Variants in TBL1XR1 observed in about 807,000 individuals in gnomAD.
TBL1XR1 encodes TBL1X/Y related 1, also known as F-box-like/WD repeat-containing protein TBL1XR1.
A neutral mutation model predicts 66.9 loss-of-function variants in TBL1XR1; 5 were observed. The observed-to-expected ratio is 0.07, with a 90% CI of 0.04 to 0.16. The LOEUF is 0.16. Among genes scored for constraint, TBL1XR1 ranks in the 10% least tolerant of loss-of-function variants. TBL1XR1 has a pLI of 1.00. For synonymous variants in TBL1XR1, 210 were observed against 206.0 expected, an observed-to-expected ratio of 1.02 and a Z score of -0.17; for missense variants, 238 against 623.2, an observed-to-expected ratio of 0.38 and a Z score of 6.58.
rs1283330297 is a variant in TBL1XR1 at position 177,134,971 on chromosome 3, G to GTGTGTGTGTGTGTC, written c.-121-36431_-121-36430insGACACACACACACA. ...TGTGTGTGTGTGTGTGTGTGTCTGTGTGTGTGTCTGTGTGTGTGTGTTTTG... is the reference window on the plus strand; with the variant it reads ...TGTGTGTGTGTGTGTGTGTGTCTGTGTGTGTGTGTGTGTCTGTGTGTCTGTGTGTGTGTGTTTTG... On this transcript the variant is annotated intron_variant, in intron 1 of 15. Transcript: ENST00000457928. Among the ~76,000 whole-genome samples the GTGTGTGTGTGTGTC allele has an allele frequency of 5.1e-3, 741 of 146,114 alleles. 1 individual carries two copies. The highest frequency in any genetic ancestry group is 0.011 in the African/African-American group (436 of 39,860).
chr3:177,178,240 G>A (rs1340750967), intron 1 of TBL1XR1, among the ~76,000 whole-genome samples: 1 of 152,132 alleles, frequency 6.6e-6, no homozygotes, highest in Non-Finnish European at 1.5e-5. Context: ...AGGCTAAGAT[G>A]TTTGAACTTT....
chr3:177,047,637 C>A, intron 7 of TBL1XR1, 88 bp from the exon 8 acceptor site: 1 of 1,418,026 alleles, frequency 7.1e-7, no homozygotes, highest in Non-Finnish European at 9.7e-7. Context: ...ATCCCAGGTA[C>A]AGAAGAGAAT....
At chr3:177,186,933 G>A (rs1360615983) in intron 1 of TBL1XR1, among the ~76,000 whole-genome samples, 4 of 152,062 alleles carry the variant, frequency 2.6e-5, no homozygotes, top group Non-Finnish European at 4.4e-5. Context: ...TTGGGAGGCC[G>A]AGGCGGGCGG....
At chr3:177,087,221 T>C (rs1005454605) in intron 2 of TBL1XR1, among the ~76,000 whole-genome samples, 1 of 119,008 alleles carries the variant, frequency 8.4e-6, no homozygotes, top group Non-Finnish European at 1.8e-5. Context: ...TACTTACTTT[T>C]TTATTTAAAA....
chr3:177,058,761 T>C (rs1718130829), intron 3 of TBL1XR1, among the ~76,000 whole-genome samples: 2 of 152,254 alleles, frequency 1.3e-5, no homozygotes, highest in South Asian at 4.1e-4. Context: ...ACTCTCGCTA[T>C]GCTGGCTAGT....
chr3:177,183,249 T>G (rs1028357176), intron 1 of TBL1XR1, among the ~76,000 whole-genome samples: 3 of 152,184 alleles, frequency 2.0e-5, no homozygotes, highest in Non-Finnish European at 2.9e-5. Context: ...CTGAATAAAA[T>G]TAAGTAATAA....
chr3:177,172,088 C>A (rs1370582814), intron 1 of TBL1XR1, among the ~76,000 whole-genome samples: 3 of 151,728 alleles, frequency 2.0e-5, no homozygotes, highest in Non-Finnish European at 4.4e-5. Context: ...GGTGAAACCC[C>A]GTCTCTACTA....
At chr3:177,118,812 T>A (rs1234086276) in intron 1 of TBL1XR1, among the ~76,000 whole-genome samples, 1 of 109,362 alleles carries the variant, frequency 9.1e-6, no homozygotes, top group East Asian at 2.8e-4. Context: ...TTTCTCAAAC[T>A]GAACTTTTAT....
intron 14 of TBL1XR1, among the ~76,000 whole-genome samples, chr3:177,029,235 G>A (rs1269580877): frequency 6.6e-6 from 1 of 152,020 alleles, no homozygotes; most frequent in African/African-American, 2.4e-5. Context: ...GAGGAGTCCA[G>A]CCTGGGTAAC....
rs554530511 is a variant in TBL1XR1, at chr3:177,108,051, A to G, written c.-121-9510T>C. ...AAAAAAAAAAGATAACACACCAGATATGGTCCACAGGTCATAGTTTGTTGA... is the reference window on the plus strand; with the variant it reads ...AAAAAAAAAAGATAACACACCAGATGTGGTCCACAGGTCATAGTTTGTTGA... On this transcript the variant is annotated intron_variant, in intron 1 of 15. Transcript: ENST00000457928. Among the ~76,000 whole-genome samples, 6 of 152,180 alleles carry G rather than the reference A, an allele frequency of 3.9e-5. No homozygotes were observed. In the East Asian group the frequency reaches 9.6e-4, roughly 24 times the overall value.
In TBL1XR1 at chr3:177,050,042, C is replaced by T. The variant is rs772368300; in HGVS notation, c.657G>A (p.Gly219=). Residue 219 remains glycine (G), a synonymous_variant, in exon 7 of 16, where the codon GGG becomes GGA. Coordinates refer to ENST00000457928, the MANE Select transcript of TBL1XR1 (RefSeq NM_024665.7). Reference sequence around the variant, plus strand: ...CATCCTTGTTGCTTGGAACATCTTGCCCTCCTTCTCGTATACAATGTCTAA... The same window carrying T: ...CATCCTTGTTGCTTGGAACATCTTGTCCTCCTTCTCGTATACAATGTCTAA... ...LVLRHCIREG[G]QDVPSNKDVT... is the part of the protein sequence containing the mutation. 9.9e-6 allele frequency: 16 copies of T among 1,613,656 alleles called. No homozygotes were observed. Among genetic ancestry groups the T allele is most frequent in the Middle Eastern group, 3.3e-4 (2 of 6,060 alleles).
At chr3:177,086,128 G>A (rs957804949) in intron 2 of TBL1XR1, among the ~76,000 whole-genome samples, 1 of 150,130 alleles carries the variant, frequency 6.7e-6, no homozygotes, top group Non-Finnish European at 1.5e-5. Flanking sequence ...GTCCACACAC[G>A]TAAGTTTTAA....
Position 177,135,340 on chromosome 3 carries a change from T to TG in TBL1XR1, c.-121-36800_-121-36799insC, listed in dbSNP as rs1261724902. ...GTGTGTGTGTGTGTGTGTGTATACATATATATATATATATATATATATATA... is the reference window on the plus strand; with the variant it reads ...GTGTGTGTGTGTGTGTGTGTATACATGATATATATATATATATATATATATA... On this transcript the variant is annotated intron_variant, in intron 1 of 15. Coordinates refer to ENST00000457928, the MANE Select transcript of TBL1XR1 (RefSeq NM_024665.7). Among the ~76,000 whole-genome samples the TG allele has an allele frequency of 3.8e-3, 43 of 11,260 alleles. 4 individuals are homozygous for TG. Among genetic ancestry groups the TG allele is most frequent in the African/African-American group, 0.016 (41 of 2,522 alleles). 7.4% of individuals were successfully genotyped at this position (11,260 alleles called of 152,430 possible). A position where few individuals can be genotyped will look rare whatever the true frequency, so the allele number is the denominator to read the frequency against.
intron 1 of TBL1XR1, among the ~76,000 whole-genome samples, chr3:177,192,836 C>A (rs1736335370): frequency 6.6e-6 from 1 of 152,134 alleles, no homozygotes; most frequent in South Asian, 2.1e-4. Flanking sequence ...AGTTGACTGT[C>A]CCCTTACACT....
intron 1 of TBL1XR1, among the ~76,000 whole-genome samples, chr3:177,194,376 A>C (rs1271854722): frequency 6.6e-6 from 1 of 152,216 alleles, no homozygotes; most frequent in Non-Finnish European, 1.5e-5. Context: ...GAAAAATACA[A>C]GTTCTAGTGA....
intron 1 of TBL1XR1, among the ~76,000 whole-genome samples, chr3:177,153,297 AG>A (rs1169679379): frequency 6.6e-6 from 1 of 152,220 alleles, no homozygotes; most frequent in Admixed American, 6.5e-5. Flanking sequence ...GAAGTGTTAA[AG>A]GAAGTTATTC....
intron 2 of TBL1XR1, among the ~76,000 whole-genome samples, chr3:177,080,522 GT>G (rs1276881025): frequency 6.6e-6 from 1 of 152,132 alleles, no homozygotes; most frequent in African/African-American, 2.4e-5. Flanking sequence ...ATATCCTTCT[GT>G]GTTAATGAGC....
At chr3:177,089,838 T>C (rs1722608392) in intron 2 of TBL1XR1, among the ~76,000 whole-genome samples, 1 of 152,112 alleles carries the variant, frequency 6.6e-6, no homozygotes, top group South Asian at 2.1e-4. Flanking sequence ...ATGCAAACAG[T>C]TCTAAAATAA....
intron 12 of TBL1XR1, among the ~76,000 whole-genome samples, chr3:177,035,376 T>C (rs1163935691): frequency 1.3e-5 from 2 of 151,940 alleles, no homozygotes; most frequent in African/African-American, 4.8e-5. Flanking sequence ...CCTCTTTTCT[T>C]ACTCTGTACT....
Sources: allele counts gnomAD v4.1 joint callset (sites outside exome capture counted in the v4.1 genomes callset), GRCh38; gene constraint gnomAD v4.1.1; transcripts MANE v1.5; gene names NCBI Gene and HGNC (gene_info 2026-07-23, HGNC 2026-07-21).